Variants in ANGPT4 observed in about 807,000 individuals in gnomAD.
ANGPT4 encodes angiopoietin 4, also known as angiopoietin-4.
Under a neutral mutation model 53.0 loss-of-function variants are expected in ANGPT4, and 50 were observed. The ratio of observed to expected loss-of-function variants is 0.94; its 90% CI spans 0.75 to 1.20. The LOEUF is 1.20. ANGPT4 is among the 50% of genes most tolerant of loss of function. The pLI is 0.00. For missense variants in ANGPT4, 648 were observed against 637.1 expected (o/e 1.02, Z -0.18); for synonymous variants, 251 against 259.7 (o/e 0.97, Z 0.32).
At chr20:885,005 G>C (rs1981553733) in intron 4 of ANGPT4, 73 bp downstream of exon 4, 1 of 1,587,030 alleles carries the variant, frequency 6.3e-7, no homozygotes, top group Non-Finnish European at 8.6e-7. Flanking sequence ...AGAGACCCTG[G>C]AGGGTGAGCA....
chr20:884,615 CT>C (rs1174834939), intron 4 of ANGPT4, among the ~76,000 whole-genome samples: 2 of 152,214 alleles, frequency 1.3e-5, no homozygotes, highest in African/African-American at 4.8e-5. Flanking sequence ...GTTTGGCCCT[CT>C]TGGGCTTAGG....
At position 871,625 on chromosome 20, in the gene ANGPT4, G is replaced by C. The variant is rs905063059; in HGVS notation, c.*1335C>G. 6.6e-6 allele frequency: 1 copy of C among 152,366 alleles called. No individual in the cohort carries two copies. The highest frequency in any genetic ancestry group is 2.4e-5 in the African/African-American group (1 of 41,450). The allele number at this position is 152,366 out of a possible 1,614,324, so 9.4% of individuals were successfully genotyped here. ...CAGAGGCAGCATCACTGCTGGATGG[G>C]GAAGGGAGGGAGGCTAGGGGTTAGG... On this transcript the variant is annotated 3_prime_UTR_variant, in exon 9 of 9. Coordinates refer to ENST00000381922, the MANE Select transcript of ANGPT4 (RefSeq NM_015985.4).
chr20:907,843 T>C (rs755644082), intron 1 of ANGPT4, among the ~76,000 whole-genome samples: 9 of 152,108 alleles, frequency 5.9e-5, no homozygotes, highest in African/African-American at 1.2e-4. Flanking sequence ...TTTGCTGGGG[T>C]ATCTCCCCAC....
At chr20:888,594 A>C (rs963364148) in intron 2 of ANGPT4, among the ~76,000 whole-genome samples, 155 bp from the exon 3 acceptor site, 6 of 152,104 alleles carry the variant, frequency 3.9e-5, no homozygotes, top group African/African-American at 1.4e-4. Context: ...ACAGGCCCTG[A>C]CTTAAGCTTA....
chr20:898,121 C>T (rs1001464505), intron 1 of ANGPT4, among the ~76,000 whole-genome samples: 1 of 152,124 alleles, frequency 6.6e-6, no homozygotes, highest in Non-Finnish European at 1.5e-5. Context: ...CCATCTCCAC[C>T]CCAAGCTCTG....
In ANGPT4 at chr20:908,383, G is replaced by A. The variant is rs182241375; in HGVS notation, c.309+7523C>T. On this transcript the variant is annotated intron_variant, in intron 1 of 8. Coordinates refer to ENST00000381922, the MANE Select transcript of ANGPT4 (RefSeq NM_015985.4). The surrounding 1 kb of genome is among the most constrained non-coding windows in gnomAD (Gnocchi z 4.9). ...AGGGCCTTTGCACTTGCTGTCCCGT[G>A]TGCCTGGAATGCTTTTGCTTCCTTT... Among the ~76,000 whole-genome samples the A allele has an allele frequency of 1.8e-4, 28 of 152,282 alleles. No homozygotes were observed. The East Asian group carries it at 5.2e-3, about 28-fold the overall frequency.
chr20:892,504 G>A (rs1371890336), intron 1 of ANGPT4, among the ~76,000 whole-genome samples: 1 of 151,834 alleles, frequency 6.6e-6, no homozygotes, highest in African/African-American at 2.4e-5. Context: ...ACTGAGGCAG[G>A]AGGATCGCTG....
chr20:895,412 T>C (rs1457661642), intron 1 of ANGPT4, among the ~76,000 whole-genome samples: 2 of 152,208 alleles, frequency 1.3e-5, no homozygotes, highest in East Asian at 3.8e-4. Context: ...CACACTTTCA[T>C]TGTGGGCCCT....
intron 1 of ANGPT4, among the ~76,000 whole-genome samples, chr20:903,364 G>T (rs117258709): frequency 7.2e-5 from 11 of 152,238 alleles, no homozygotes; most frequent in Middle Eastern, 6.8e-3. Flanking sequence ...ACCCTCGGGC[G>T]CATGCAGAAT....
At chr20:900,163 C>G (rs2122841123) in intron 1 of ANGPT4, among the ~76,000 whole-genome samples, 1 of 152,296 alleles carries the variant, frequency 6.6e-6, no homozygotes, top group South Asian at 2.1e-4. Flanking sequence ...CCTTGTATTT[C>G]ACTCCATCCT....
At chr20:889,401 C>A (rs1981748851) in intron 2 of ANGPT4, among the ~76,000 whole-genome samples, 1 of 152,202 alleles carries the variant, frequency 6.6e-6, no homozygotes, top group African/African-American at 2.4e-5. Context: ...TATGAGACAG[C>A]CTATTGCTCC....
rs139317244 is a variant in ANGPT4, at chr20:891,910, G to A, written c.310-1542C>T. Among the ~76,000 whole-genome samples the A allele has an allele frequency of 3.3e-5, 5 of 152,132 alleles. No individual in the cohort carries two copies. In the East Asian group the frequency reaches 9.7e-4, roughly 29 times the overall value. On this transcript the variant is annotated intron_variant, in intron 1 of 8. Coordinates refer to ENST00000381922, the MANE Select transcript of ANGPT4 (RefSeq NM_015985.4). Reference sequence around the variant, plus strand: ...GCTCATTAAAAATGTGAATTTCCAGGTCCCACCGCAGACCTCCTGAACCAG... The same window carrying A: ...GCTCATTAAAAATGTGAATTTCCAGATCCCACCGCAGACCTCCTGAACCAG...
intron 1 of ANGPT4, among the ~76,000 whole-genome samples, chr20:905,213 T>C (rs1982432079): frequency 6.6e-6 from 1 of 152,200 alleles, no homozygotes; most frequent in Non-Finnish European, 1.5e-5. Flanking sequence ...ACACAGTACT[T>C]CATGCCATCT....
chr20:888,199 C>T, intron 3 of ANGPT4, 119 bp downstream of exon 3: 13 of 1,378,238 alleles, frequency 9.4e-6, no homozygotes, highest in Non-Finnish European at 1.2e-5. Context: ...AGCCCACGTC[C>T]AGCTTCCGGT....
chr20:908,830 A>G lies in ANGPT4; in HGVS notation c.309+7076T>C, dbSNP rs963612707. Among the ~76,000 whole-genome samples the G allele has an allele frequency of 6.6e-6, 1 of 152,148 alleles. No homozygotes were observed. Among genetic ancestry groups the G allele is most frequent in the Non-Finnish European group, 1.5e-5 (1 of 68,024 alleles). ...ACATCTACACATAGTCCCAGAATTG[A>G]AAGGATGCATGATTTTTTCATGACA... On this transcript the variant is annotated intron_variant, in intron 1 of 8. Transcript: ENST00000381922. This position sits in a 1 kb window ranked among gnomAD's most constrained non-coding sequence, Gnocchi z 4.9.
intron 1 of ANGPT4, among the ~76,000 whole-genome samples, chr20:901,218 G>T (rs975455579): frequency 6.6e-6 from 1 of 152,224 alleles, no homozygotes; most frequent in South Asian, 2.1e-4. Context: ...AATATAAGAA[G>T]ACAGGAATGT....
At chr20:892,830 T>A (rs1217247277) in intron 1 of ANGPT4, among the ~76,000 whole-genome samples, 2 of 152,104 alleles carry the variant, frequency 1.3e-5, no homozygotes, top group Non-Finnish European at 2.9e-5. Flanking sequence ...CCACGCGCAG[T>A]TCCCCCCTTC....
At chr20:899,788 A>C (rs1362677024) in intron 1 of ANGPT4, among the ~76,000 whole-genome samples, 1 of 152,172 alleles carries the variant, frequency 6.6e-6, no homozygotes, top group African/African-American at 2.4e-5. Context: ...TGCTTTCTTT[A>C]CTATTCCTTT....
At chr20:886,708 G>T (rs1395878872) in intron 3 of ANGPT4, among the ~76,000 whole-genome samples, 1 of 152,220 alleles carries the variant, frequency 6.6e-6, no homozygotes, top group Non-Finnish European at 1.5e-5. Context: ...ATGTTGAGTA[G>T]CTTATGTAAG....
Sources: gnomAD v4.1 joint callset for allele counts (sites outside exome capture counted in the v4.1 genomes callset) on GRCh38, gnomAD v4.1.1 for gene constraint, Gnocchi (gnomAD v3.1) non-coding constraint, MANE v1.5 for transcripts, NCBI Gene and HGNC (gene_info 2026-07-23, HGNC 2026-07-21) for gene names.